The following ADAMTS18 variants were observed in gnomAD, a reference collection of about 807,000 sequenced individuals.
ADAMTS18 encodes the protein A disintegrin and metalloproteinase with thrombospondin motifs 18.
In ADAMTS18, 157 loss-of-function variants were observed where a neutral mutation model predicts 165.9. The ratio of observed to expected loss-of-function variants is 0.95; its 90% confidence interval spans 0.83 to 1.08. ADAMTS18 has a LOEUF of 1.08. ADAMTS18 is among the 50% of genes least tolerant of loss of function. The pLI, the probability that ADAMTS18 is intolerant of heterozygous loss-of-function variation, is 0.00. For synonymous variants in ADAMTS18, 782 were observed against 578.2 expected (o/e 1.35, Z -5.06); for missense variants, 2,040 against 1,534.0 (o/e 1.33, Z -5.51).
intron 3 of ADAMTS18, among the ~76,000 whole-genome samples, chr16:77,418,902 G>A (rs937389967): frequency 4.6e-5 from 7 of 152,216 alleles, no homozygotes; most frequent in African/African-American, 1.7e-4. Context: ...TGTAATCCCG[G>A]CACTTTGGGA....
chr16:77,330,241 T>C lies in ADAMTS18; in HGVS notation c.1860-4203A>G, dbSNP rs566887250. On this transcript the variant is annotated intron_variant, in intron 12 of 22. Transcript: ENST00000282849. ...AAGTTGTGTTAGAGTTAGCAGACAA[T>C]TCTTTCTCAAATAGACTCAGGTTTT... Among the ~76,000 whole-genome samples, 4 of 152,316 alleles carry C rather than the reference T, an allele frequency of 2.6e-5. No homozygotes were observed. In the East Asian group the frequency reaches 7.7e-4, roughly 29 times the overall value.
At chr16:77,387,917 T>G (rs1052557820) in intron 3 of ADAMTS18, among the ~76,000 whole-genome samples, 1 of 152,216 alleles carries the variant, frequency 6.6e-6, no homozygotes, top group Non-Finnish European at 1.5e-5. Context: ...AGATGGTGCC[T>G]GCTCCTGTAT....
rs1172760577 is a variant in ADAMTS18 at position 77,434,617 on chromosome 16, G to T, written c.79C>A (p.Arg27Ser). 4.0e-6 allele frequency: 6 copies of T among 1,510,514 alleles called. No homozygotes were observed. Among genetic ancestry groups the T allele is most frequent in the East Asian group, 2.6e-5 (1 of 38,318 alleles). 93.6% of individuals were successfully genotyped at this position (1,510,514 alleles called of 1,614,324 possible). Residue 27 changes from arginine (R) to serine (S), a missense_variant, in exon 1 of 23, where the codon CGC (arginine) becomes AGC (serine). Arg to Ser is a moderately radical substitution (Grantham distance 110). Coordinates refer to ENST00000282849, the MANE Select transcript of ADAMTS18 (RefSeq NM_199355.4). ...TCGGCGGCACCTGCCTTGGCCACGC[G>T]CCCCAGTCCCGCCAGGCCCCTCGGC... is the stretch of plus-strand genomic sequence containing the variant. Reference protein sequence around the residue: ...GPPRGLAGLGRVAKALQLCCL... With the variant: ...GPPRGLAGLGSVAKALQLCCL...
intron 3 of ADAMTS18, among the ~76,000 whole-genome samples, chr16:77,385,811 T>G (rs1597208635): frequency 1.3e-5 from 2 of 152,128 alleles, no homozygotes; most frequent in Non-Finnish European, 2.9e-5. Context: ...CTGGTCCCAA[T>G]TTTTTCTCAG....
chr16:77,289,485 A>C, intron 21 of ADAMTS18, 74 bp from the exon 22 acceptor site: 1 of 1,549,908 alleles, frequency 6.5e-7, no homozygotes, highest in Non-Finnish European at 8.9e-7. Flanking sequence ...AGGAATTCCC[A>C]TGCTTCATGA....
chr16:77,420,667 G>A (rs1027347962), intron 3 of ADAMTS18, among the ~76,000 whole-genome samples: 1 of 152,114 alleles, frequency 6.6e-6, no homozygotes, highest in African/African-American at 2.4e-5. Context: ...ATGACAAAAG[G>A]AAAACCCTGT....
chr16:77,369,544 T>C (rs1428625210), intron 3 of ADAMTS18, among the ~76,000 whole-genome samples: 7 of 152,086 alleles, frequency 4.6e-5, no homozygotes, highest in African/African-American at 1.7e-4. Flanking sequence ...AACTGAAACA[T>C]GAAGAAACAG....
intron 7 of ADAMTS18, among the ~76,000 whole-genome samples, chr16:77,359,681 G>C (rs1369927257): frequency 6.6e-6 from 1 of 152,118 alleles, no homozygotes; most frequent in Non-Finnish European, 1.5e-5. Context: ...TGTAAGGTCA[G>C]TATGAGTACT....
chr16:77,302,516 C>G (rs1450485145), intron 16 of ADAMTS18, among the ~76,000 whole-genome samples: 1 of 152,114 alleles, frequency 6.6e-6, no homozygotes, highest in Non-Finnish European at 1.5e-5. Flanking sequence ...CACATACGCA[C>G]ATAGTAGGGG....
chr16:77,425,711 A>C (rs1016759421), intron 3 of ADAMTS18, among the ~76,000 whole-genome samples: 4 of 152,164 alleles, frequency 2.6e-5, no homozygotes, highest in African/African-American at 9.7e-5. Flanking sequence ...GAACCGCAGA[A>C]CCCTGGTACA....
intron 3 of ADAMTS18, among the ~76,000 whole-genome samples, chr16:77,369,168 G>A (rs1317745533): frequency 2.0e-5 from 3 of 152,034 alleles, no homozygotes; most frequent in Non-Finnish European, 2.9e-5. Context: ...ACATGTTTAT[G>A]GGATCCTTTT....
rs748722913 is a variant in ADAMTS18, at chr16:77,320,037, G to T, written c.2344C>A (p.Leu782Met). ...GCGAGGTAACTGGAGGAAACCTGCAGCTCCTGGATTTCGATGCTTCGGGCG... is the reference window on the plus strand; with the variant it reads ...GCGAGGTAACTGGAGGAAACCTGCATCTCCTGGATTTCGATGCTTCGGGCG... ...AGARSIEIQE[L>M]QVSSSYLAVR... The change falls in exon 16 of 23, where the codon CTG becomes ATG. Residue 782 changes from leucine (L) to methionine (M), a missense_variant. Leu to Met is a conservative substitution (Grantham distance 15). Coordinates refer to ENST00000282849, the MANE Select transcript of ADAMTS18 (RefSeq NM_199355.4). 6.2e-7 allele frequency: 1 copy of T among 1,614,134 alleles called. No individual in the cohort carries two copies. Among genetic ancestry groups the T allele is most frequent in the Non-Finnish European group, 8.5e-7 (1 of 1,180,018 alleles).
intron 16 of ADAMTS18, among the ~76,000 whole-genome samples, chr16:77,305,093 A>C (rs2055657728): frequency 7.4e-6 from 1 of 135,770 alleles, no homozygotes; most frequent in African/African-American, 2.8e-5. Context: ...CTTGTAAAGG[A>C]AGTAAAAACT....
At chr16:77,290,205 G>T (rs978332015) in intron 21 of ADAMTS18, among the ~76,000 whole-genome samples, 11 of 152,120 alleles carry the variant, frequency 7.2e-5, no homozygotes, top group Non-Finnish European at 1.6e-4. Context: ...CTTTAAAGGG[G>T]AAGATAGATA....
intron 12 of ADAMTS18, among the ~76,000 whole-genome samples, chr16:77,332,063 G>T (rs901048494): frequency 6.6e-6 from 1 of 152,234 alleles, no homozygotes; most frequent in South Asian, 2.1e-4. Flanking sequence ...TAACTCAGTT[G>T]ACATAGGTAC....
Position 77,283,906 on chromosome 16 carries a change from A to G in ADAMTS18, c.*50T>C, listed in dbSNP as rs1476434532. 7.1e-7 allele frequency: 1 copy of G among 1,405,942 alleles called. No individual in the cohort carries two copies. The highest frequency in any genetic ancestry group is 1.2e-5 in the South Asian group (1 of 86,740). The allele number at this position is 1,405,942 out of a possible 1,614,324, so 87.1% of individuals were successfully genotyped here. The stretch of plus-strand genomic sequence containing the variant: ...TCTCAAAGGCAGCTGGTCTCTCTAG[A>G]GGTTGAAAGGTAAGCCCCTGGCCCT... On this transcript the variant is annotated 3_prime_UTR_variant, in exon 23 of 23. Transcript: ENST00000282849.
intron 3 of ADAMTS18, among the ~76,000 whole-genome samples, chr16:77,368,617 C>A (rs1294110818): frequency 6.6e-6 from 1 of 151,836 alleles, no homozygotes; most frequent in Non-Finnish European, 1.5e-5. Flanking sequence ...GTCTATATTG[C>A]CCAGGCTCGT....
rs17620357 is a variant in ADAMTS18, at chr16:77,341,684, C to G, written c.1710+20G>C. ...CTTATCAAATTTCTGGAGCTAAAAA[C>G]TAACAAGTATGCAGTTTACCATACT... On this transcript the variant is annotated intron_variant, in intron 11 of 22. Transcript: ENST00000282849. 0.032 allele frequency: 52,020 copies of G among 1,605,292 alleles called. 994 individuals carry two copies. The highest frequency in any genetic ancestry group is 0.053 in the South Asian group (4,802 of 90,286).
At chr16:77,374,344 G>A (rs2056920043) in intron 3 of ADAMTS18, among the ~76,000 whole-genome samples, 1 of 152,030 alleles carries the variant, frequency 6.6e-6, no homozygotes, top group East Asian at 1.9e-4. Context: ...AGACTATAAT[G>A]CACATGAACT....
Sources: gnomAD v4.1 joint callset for allele counts (sites outside exome capture counted in the v4.1 genomes callset) on GRCh38, gnomAD v4.1.1 for gene constraint, MANE v1.5 for transcripts, NCBI Gene and HGNC (gene_info 2026-07-23, HGNC 2026-07-21) for gene names.